Variants in TARBP1 observed in about 807,000 individuals in gnomAD.
TARBP1 encodes the protein tRNA guanosine 2 -O-methyltransferase TARBP1, also known as tRNA (guanosine(18)-2'-O)-methyltransferase TARBP1.
In TARBP1, 144 loss-of-function variants were observed where a neutral mutation model predicts 178.6. The observed-to-expected ratio is 0.81, with a 90% confidence interval of 0.70 to 0.93. TARBP1 has a LOEUF of 0.93. TARBP1 is among the 40% of genes least tolerant of loss of function. The probability of loss-of-function intolerance (pLI) is 0.00; values close to 1 mark genes in which losing one functional copy is unlikely to be tolerated. For missense variants in TARBP1, 2,067 were observed against 2,011.7 expected, an observed-to-expected ratio of 1.03 and a Z score of -0.53; for synonymous variants, 787 against 781.0, an observed-to-expected ratio of 1.01 and a Z score of -0.13.
chr1:234,416,295 TG>T (rs2103081975), intron 22 of TARBP1, among the ~76,000 whole-genome samples: 1 of 152,252 alleles, frequency 6.6e-6, no homozygotes, highest in Non-Finnish European at 1.5e-5. Flanking sequence ...CAGAGGAGCC[TG>T]GAAAGAGATG....
chr1:234,478,876 C>A lies in TARBP1; in HGVS notation c.228G>T (p.Leu76=). 3 of 1,301,296 alleles carry A rather than the reference C, an allele frequency of 2.3e-6. No individual in the cohort carries two copies. The East Asian group carries it at 9.6e-5, about 42-fold the overall frequency. The allele number at this position is 1,301,296 out of a possible 1,614,324, so 80.6% of individuals were successfully genotyped here. A position where few individuals can be genotyped will look rare whatever the true frequency, so the allele number is the denominator to read the frequency against. ...AGYLVPLLRS[L]RGRPAGGPDP... is the part of the protein sequence containing the mutation. ...CCGGGCCGCCCGCGGGGCGTCCGCG[C>A]AGGCTCCGCAGCAGTGGCACGAGGT... Residue 76 remains leucine, a synonymous_variant, in exon 1 of 30, where the codon CTG becomes CTT. Coordinates refer to ENST00000040877, the MANE Select transcript of TARBP1 (RefSeq NM_005646.4).
chr1:234,430,178 T>C lies in TARBP1; in HGVS notation c.2518A>G (p.Ser840Gly). 6.2e-7 allele frequency: 1 copy of C among 1,614,216 alleles called. No homozygotes were observed. Among genetic ancestry groups the C allele is most frequent in the Non-Finnish European group, 8.5e-7 (1 of 1,180,036 alleles). The change falls in exon 15 of 30, where the codon AGC becomes GGC. Residue 840 changes from serine (S) to glycine (G), a missense_variant. Ser to Gly is a moderately conservative substitution (Grantham distance 56). Coordinates refer to ENST00000040877, the MANE Select transcript of TARBP1 (RefSeq NM_005646.4). ...LDSLHAGPLE[S>G]FLSSLQLNQT... ...TTGAGCTGAAGAGAGGAAAGGAAGC[T>C]TTCCAGGGGCCCAGCATGGAGAGAG...
intron 29 of TARBP1, 86 bp downstream of exon 29, chr1:234,392,330 C>T (rs1327025387): frequency 4.1e-5 from 61 of 1,489,720 alleles, no homozygotes; most frequent in African/African-American, 5.6e-5. Context: ...AGTGAGACTC[C>T]GTCTCAAAAA....
chr1:234,422,958 T>C (rs975543626), intron 20 of TARBP1, among the ~76,000 whole-genome samples: 1 of 152,186 alleles, frequency 6.6e-6, no homozygotes, highest in Non-Finnish European at 1.5e-5. Context: ...TTAAACTGTA[T>C]CAGCTCCAGA....
At position 234,478,300 on chromosome 1, in the gene TARBP1, C is replaced by A. The variant is rs572342853; in HGVS notation, c.804G>T (p.Thr268=). The A allele has an allele frequency of 1.3e-5, 20 of 1,535,222 alleles. No homozygotes were observed. In the South Asian group the frequency reaches 2.3e-4, roughly 17 times the overall value. ...DARRCWRFWR[T]VQAGLGQADA... ...CCGCCTGGCCCAGCCCCGCCTGCAC[C>A]GTCCTCCAGAAGCGCCAGCAGCGCC... The change falls in exon 1 of 30, where the codon ACG becomes ACT. Residue 268 remains threonine (T), a synonymous_variant. Coordinates refer to ENST00000040877, the MANE Select transcript of TARBP1 (RefSeq NM_005646.4).
intron 22 of TARBP1, among the ~76,000 whole-genome samples, chr1:234,412,562 A>C (rs61825878): frequency 0.13 from 19,310 of 152,040 alleles, 1,397 homozygotes; most frequent in Non-Finnish European, 0.17. Context: ...CCAGCTACTT[A>C]GAGGGCTGAG....
At position 234,457,767 on chromosome 1, in the gene TARBP1, C is replaced by A; in HGVS notation, c.1633-11G>T. On this transcript the variant is annotated splice_polypyrimidine_tract_variant and intron_variant, in intron 8 of 29. Transcript: ENST00000040877. ...AAGTGACACTTTCTCCTGGGCAGGG[C>A]AGGAAAGGTTTTAAAAATTACTCGT... 6.3e-7 allele frequency: 1 copy of A among 1,594,688 alleles called. No individual in the cohort carries two copies. Among genetic ancestry groups the A allele is most frequent in the Non-Finnish European group, 8.5e-7 (1 of 1,170,528 alleles).
intron 23 of TARBP1, among the ~76,000 whole-genome samples, chr1:234,408,267 G>GT (rs1258942113): frequency 6.6e-6 from 1 of 150,796 alleles, no homozygotes; most frequent in Non-Finnish European, 1.5e-5. Flanking sequence ...TTGCAAAATT[G>GT]TAACTGAGGT....
At chr1:234,446,088 G>C (rs954316480) in intron 12 of TARBP1, among the ~76,000 whole-genome samples, 1 of 151,952 alleles carries the variant, frequency 6.6e-6, no homozygotes, top group Non-Finnish European at 1.5e-5. Flanking sequence ...AAATATAATC[G>C]TATCAATTTT....
Position 234,396,240 on chromosome 1 carries a change from G to A in TARBP1, c.4243+2142C>T, listed in dbSNP as rs143721259. Among the ~76,000 whole-genome samples, 370 of 152,286 alleles carry A rather than the reference G, an allele frequency of 2.4e-3. 1 individual carries two copies. Among genetic ancestry groups the A allele is most frequent in the Non-Finnish European group, 4.4e-3 (298 of 68,026 alleles). ...CCCTGCTCCGCTTTACGCAGAACTC[G>A]ACAGCTGCCTACAATGCCATCTCTC... On this transcript the variant is annotated intron_variant, in intron 26 of 29. Coordinates refer to ENST00000040877, the MANE Select transcript of TARBP1 (RefSeq NM_005646.4).
intron 12 of TARBP1, among the ~76,000 whole-genome samples, chr1:234,443,653 A>G (rs1250221128): frequency 6.6e-6 from 1 of 152,170 alleles, no homozygotes; most frequent in Non-Finnish European, 1.5e-5. Context: ...ACATTTGTAC[A>G]CCCATGTTCA....
chr1:234,430,293 T>C lies in TARBP1; in HGVS notation c.2403A>G (p.Thr801=), dbSNP rs776979192. The C allele has an allele frequency of 1.2e-6, 2 of 1,613,370 alleles. No homozygotes were observed. The highest frequency in any genetic ancestry group is 2.2e-5 in the South Asian group (2 of 91,082). Residue 801 remains threonine, a synonymous_variant, in exon 15 of 30, where the codon ACA becomes ACG. Coordinates refer to ENST00000040877, the MANE Select transcript of TARBP1 (RefSeq NM_005646.4). Reference sequence around the variant, plus strand: ...CTACTCTCTGAATCTGACTTCCAACTGTTGGCTCCTGAAAAGGAAATGTGA... The same window carrying C: ...CTACTCTCTGAATCTGACTTCCAACCGTTGGCTCCTGAAAAGGAAATGTGA... ...LQEMDSGQEP[T]VGSQIQRVVS... is the part of the protein sequence containing the mutation.
intron 9 of TARBP1, among the ~76,000 whole-genome samples, chr1:234,453,744 G>C (rs1487420231): frequency 6.6e-6 from 1 of 151,980 alleles, no homozygotes; most frequent in African/African-American, 2.4e-5. Flanking sequence ...ACATGTAAGT[G>C]CTTTCAAACA....
intron 1 of TARBP1, among the ~76,000 whole-genome samples, chr1:234,473,697 C>T (rs552890515): frequency 6.6e-6 from 1 of 152,324 alleles, no homozygotes; most frequent in East Asian, 1.9e-4. Context: ...GAAGTTCAGT[C>T]AACAGCACCA....
At chr1:234,402,440 A>AT (rs762507213) in intron 24 of TARBP1, among the ~76,000 whole-genome samples, 13 of 152,162 alleles carry the variant, frequency 8.5e-5, no homozygotes, top group Admixed American at 4.6e-4. Context: ...TTCATCACCC[A>AT]TTTTTTGAAA....
At position 234,463,929 on chromosome 1, in the gene TARBP1, G is replaced by A. The variant is rs907748597; in HGVS notation, c.1307C>T (p.Pro436Leu). The change falls in exon 6 of 30, where the codon CCA becomes CTA. Residue 436 changes from proline to leucine, a missense_variant. Pro to Leu is a moderately conservative substitution (Grantham distance 98). Transcript: ENST00000040877. ...AGAACAGCTTCCTATTGGCTGGCCTGGGGACCTACAAACAGAGAGTGGGGA... is the reference window on the plus strand; with the variant it reads ...AGAACAGCTTCCTATTGGCTGGCCTAGGGACCTACAAACAGAGAGTGGGGA... ...LSESSLYSRS[P>L]GQPIGSCSPL... 9 of 1,574,116 alleles carry A rather than the reference G, an allele frequency of 5.7e-6. No homozygotes were observed. The highest frequency in any genetic ancestry group is 7.7e-6 in the Non-Finnish European group (9 of 1,161,918).
At position 234,391,696 on chromosome 1, in the gene TARBP1, A is replaced by G. The variant is rs1357223029; in HGVS notation, c.4747T>C (p.Cys1583Arg). 2 of 1,613,748 alleles carry G rather than the reference A, an allele frequency of 1.2e-6. No homozygotes were observed. Among genetic ancestry groups the G allele is most frequent in the East Asian group, 2.2e-5 (1 of 44,890 alleles). The stretch of plus-strand genomic sequence containing the variant: ...ATGCCCTGTTGAGGAATTTCCACAC[A>G]AACGTCCAACTGTTGGATCAGATTT... ...PANLIQQLDV[C>R]VEIPQQGIIR... Residue 1583 changes from cysteine to arginine, a missense_variant, in exon 30 of 30, where the codon TGT becomes CGT. Transcript: ENST00000040877.
chr1:234,417,470 A>T (rs1662557291), intron 22 of TARBP1, among the ~76,000 whole-genome samples: 2 of 152,252 alleles, frequency 1.3e-5, no homozygotes, highest in Admixed American at 1.3e-4. Flanking sequence ...GGAAAGGTGC[A>T]TTTGGAAACC....
Position 234,393,605 on chromosome 1 carries a change from A to G in TARBP1, c.4435+41T>C, listed in dbSNP as rs752785983. 12 of 1,590,560 alleles carry G rather than the reference A, an allele frequency of 7.5e-6. No homozygotes were observed. The East Asian group carries it at 2.2e-4, about 30-fold the overall frequency. On this transcript the variant is annotated intron_variant, in intron 27 of 29. Transcript: ENST00000040877. ...GATTAATTAAAAAATGTTGAAGACC[A>G]AAAGCTTTCAGGCAAAGCTCCCAGA...
Sources: gnomAD v4.1 joint callset for allele counts (sites outside exome capture counted in the v4.1 genomes callset) on GRCh38, gnomAD v4.1.1 for gene constraint, MANE v1.5 for transcripts, NCBI Gene and HGNC (gene_info 2026-07-23, HGNC 2026-07-21) for gene names.